NOVA1: variants seen among roughly 807,000 people sequenced by gnomAD.
The protein encoded by NOVA1 is NOVA alternative splicing regulator 1.
A neutral mutation model predicts 38.0 loss-of-function variants in NOVA1; 7 were observed. The observed-to-expected ratio is 0.18, with a 90% CI of 0.10 to 0.35. The LOEUF is 0.35. Ranked by LOEUF, NOVA1 falls within the 10% of genes least tolerant of loss-of-function variation. The pLI, the probability that NOVA1 is intolerant of heterozygous loss-of-function variation, is 1.00. For synonymous variants in NOVA1, 270 were observed against 232.5 expected (o/e 1.16, Z -1.47); for missense variants, 460 against 616.0 (o/e 0.75, Z 2.68).
chr14:26,546,085 C>T (rs1168313847), intron 2 of NOVA1, among the ~76,000 whole-genome samples: 1 of 151,970 alleles, frequency 6.6e-6, no homozygotes, highest in East Asian at 1.9e-4. Context: ...AGTATTATAT[C>T]TCCATTAATC....
chr14:26,579,768 G>T (rs556459839), intron 2 of NOVA1, among the ~76,000 whole-genome samples: 1 of 152,008 alleles, frequency 6.6e-6, no homozygotes, highest in Non-Finnish European at 1.5e-5. Context: ...TGAAAGATAC[G>T]TTTAGTAGAA....
chr14:26,564,595 G>C (rs1892022700), intron 2 of NOVA1, among the ~76,000 whole-genome samples: 1 of 152,086 alleles, frequency 6.6e-6, no homozygotes, highest in Non-Finnish European at 1.5e-5. Flanking sequence ...TGCTCCTCGC[G>C]ATAGACAAAT....
At chr14:26,541,727 G>A (rs1203240029) in intron 2 of NOVA1, among the ~76,000 whole-genome samples, 1 of 151,556 alleles carries the variant, frequency 6.6e-6, no homozygotes, top group Non-Finnish European at 1.5e-5. Context: ...TACTGATGTT[G>A]TAAATAGAAT....
intron 4 of NOVA1, among the ~76,000 whole-genome samples, chr14:26,452,567 G>C (rs1882792892): frequency 6.6e-6 from 1 of 152,146 alleles, no homozygotes; most frequent in Non-Finnish European, 1.5e-5. Context: ...ACGACAAATA[G>C]CAAATTCTAA....
chr14:26,529,269 C>T (rs922353170), intron 2 of NOVA1, among the ~76,000 whole-genome samples: 11 of 151,998 alleles, frequency 7.2e-5, no homozygotes, highest in African/African-American at 2.7e-4. Context: ...TCCCAAGTAG[C>T]TGGGATTACA....
At chr14:26,451,463 G>A (rs1397903475) in intron 4 of NOVA1, among the ~76,000 whole-genome samples, 2 of 152,090 alleles carry the variant, frequency 1.3e-5, no homozygotes, top group African/African-American at 4.8e-5. Context: ...CGCCTCCCGG[G>A]TTCAAGCGAT....
At chr14:26,522,287 T>C (rs943216695) in intron 2 of NOVA1, among the ~76,000 whole-genome samples, 2 of 152,124 alleles carry the variant, frequency 1.3e-5, no homozygotes, top group Non-Finnish European at 2.9e-5. Flanking sequence ...GAAATTTCTT[T>C]TGAACTGCAC....
At chr14:26,485,418 C>A (rs1211657549) in intron 2 of NOVA1, among the ~76,000 whole-genome samples, 5 of 151,846 alleles carry the variant, frequency 3.3e-5, no homozygotes, top group Non-Finnish European at 7.4e-5. Flanking sequence ...TTAAAAAGGG[C>A]ACGTGGTAAA....
In NOVA1 at chr14:26,596,730, G is replaced by A. The variant is rs530510625; in HGVS notation, c.136+571C>T. On this transcript the variant is annotated intron_variant, in intron 1 of 4. Transcript: ENST00000539517. ...CCACCCTCGTATGCACCCCCCTGAA[G>A]ACAAATCAATGAAATATTTGCACCG... The A allele has an allele frequency of 1.2e-4, 147 of 1,274,978 alleles. No individual in the cohort carries two copies. In the African/African-American group the frequency reaches 1.8e-3, roughly 16 times the overall value. The allele number at this position is 1,274,978 out of a possible 1,614,324, so 79.0% of individuals were successfully genotyped here.
rs983835758 is a variant in NOVA1, at chr14:26,536,520, T to TA, written c.281-56378dup. ...TGTAGCCATAAAAATGTTAAAAAAT[T>TA]AAAAAAAATTTAAAAAGATATAGCT... On this transcript the variant is annotated intron_variant, in intron 2 of 4. Coordinates refer to ENST00000539517, the MANE Select transcript of NOVA1 (RefSeq NM_002515.3). Among the ~76,000 whole-genome samples, 35 of 151,588 alleles carry TA rather than the reference T, an allele frequency of 2.3e-4. 1 individual carries two copies. The highest frequency in any genetic ancestry group is 7.0e-4 in the African/African-American group (29 of 41,344).
chr14:26,575,983 C>G (rs1427491285), intron 2 of NOVA1, among the ~76,000 whole-genome samples: 2 of 151,934 alleles, frequency 1.3e-5, no homozygotes, highest in African/African-American at 4.8e-5. Flanking sequence ...AAACTCGCAG[C>G]TGACAGGCAT....
intron 2 of NOVA1, among the ~76,000 whole-genome samples, chr14:26,587,784 T>G (rs548749410): frequency 1.4e-4 from 21 of 149,770 alleles, no homozygotes; most frequent in Non-Finnish European, 2.7e-4. Context: ...CAAAAACATG[T>G]TTTTTTTTAA....
intron 2 of NOVA1, among the ~76,000 whole-genome samples, chr14:26,500,567 G>A (rs945810942): frequency 1.3e-5 from 2 of 151,856 alleles, no homozygotes; most frequent in African/African-American, 4.8e-5. Flanking sequence ...GAAGAGTGTA[G>A]CTGAGTAAAA....
Position 26,479,977 on chromosome 14 carries a change from T to C in NOVA1, c.447A>G (p.Gln149=). ...TTTGATTTCTCAACTAAACACTCAC[T>C]TGTTTGATGCGATCTGGATTAACGG... ...QTTVNPDRIK[Q]TLPSSPTTTK... is the part of the protein sequence containing the mutation. Residue 149 remains glutamine (Q), a splice_region_variant and synonymous_variant, in exon 3 of 5, where the codon CAA becomes CAG. Coordinates refer to ENST00000539517, the MANE Select transcript of NOVA1 (RefSeq NM_002515.3). 1 of 1,613,532 alleles carries C rather than the reference T, an allele frequency of 6.2e-7. No homozygotes were observed. The highest frequency in any genetic ancestry group is 8.5e-7 in the Non-Finnish European group (1 of 1,179,694).
At chr14:26,487,046 T>C (rs886661434) in intron 2 of NOVA1, among the ~76,000 whole-genome samples, 4 of 152,166 alleles carry the variant, frequency 2.6e-5, no homozygotes, top group Non-Finnish European at 4.4e-5. Flanking sequence ...TTTACATTCA[T>C]TTCTTAGGTT....
At chr14:26,485,293 CA>C (rs1014697095) in intron 2 of NOVA1, among the ~76,000 whole-genome samples, 6 of 151,774 alleles carry the variant, frequency 4.0e-5, no homozygotes, top group African/African-American at 1.5e-4. Flanking sequence ...TTTTTATCTA[CA>C]AAATATCTAT....
At chr14:26,548,086 G>C (rs746286449) in intron 2 of NOVA1, among the ~76,000 whole-genome samples, 2 of 151,946 alleles carry the variant, frequency 1.3e-5, no homozygotes, top group Non-Finnish European at 2.9e-5. Flanking sequence ...TACAAAATTA[G>C]ATAGATAATT....
chr14:26,452,982 G>A (rs549276106), intron 4 of NOVA1, among the ~76,000 whole-genome samples: 1 of 152,222 alleles, frequency 6.6e-6, no homozygotes, highest in South Asian at 2.1e-4. Context: ...GAGACACAAA[G>A]TTTAACTGGA....
chr14:26,500,766 T>A (rs1288326016), intron 2 of NOVA1, among the ~76,000 whole-genome samples: 2 of 152,046 alleles, frequency 1.3e-5, no homozygotes, highest in Non-Finnish European at 2.9e-5. Context: ...ATAATCATTT[T>A]GTTTTAAGAT....
Sources: gnomAD v4.1 joint callset for allele counts (sites outside exome capture counted in the v4.1 genomes callset) on GRCh38, gnomAD v4.1.1 for gene constraint, MANE v1.5 for transcripts, NCBI Gene and HGNC (gene_info 2026-07-23, HGNC 2026-07-21) for gene names.